The following MOSPD2 variants were observed in gnomAD, a reference collection of about 807,000 sequenced individuals.
The protein encoded by MOSPD2 is motile sperm domain containing 2, also known as motile sperm domain-containing protein 2.
A neutral mutation model predicts 41.7 loss-of-function variants in MOSPD2; 5 were observed. That is an observed-to-expected ratio of 0.12 (90% CI 0.06 to 0.25). The LOEUF (loss-of-function observed/expected upper bound fraction) is 0.25, where lower values mean the gene tolerates loss of function less well. Ranked by LOEUF, MOSPD2 falls within the 10% of genes least tolerant of loss-of-function variation. The pLI, the probability that MOSPD2 is intolerant of heterozygous loss-of-function variation, is 1.00. For synonymous variants in MOSPD2, 115 were observed against 126.9 expected (o/e 0.91, Z 0.63); for missense variants, 282 against 375.2 (o/e 0.75, Z 2.05).
intron 2 of MOSPD2, among the ~76,000 whole-genome samples, chrX:14,889,303 A>G (rs750800679): frequency 6.5e-4 from 73 of 111,811 alleles, no homozygotes; most frequent in African/African-American, 2.2e-3. Flanking sequence ...TGGTTTTCTG[A>G]AATTTCCAAT....
At chrX:14,882,647 T>C (rs2092533594) in intron 2 of MOSPD2, among the ~76,000 whole-genome samples, 1 of 111,948 alleles carries the variant, frequency 8.9e-6, no homozygotes, top group Non-Finnish European at 1.9e-5. Context: ...CCAATTTTTG[T>C]CCTTATTACA....
intron 11 of MOSPD2, among the ~76,000 whole-genome samples, 187 bp downstream of exon 11, chrX:14,914,786 CCT>C (rs2092597554): frequency 9.0e-6 from 1 of 111,377 alleles, no homozygotes; most frequent in African/African-American, 3.3e-5. Context: ...AAAAATTTTC[CCT>C]GAGGTCTGTA....
chrX:14,887,531 A>G (rs1485919871), intron 2 of MOSPD2, among the ~76,000 whole-genome samples: 2 of 111,316 alleles, frequency 1.8e-5, no homozygotes, highest in Non-Finnish European at 3.8e-5. Flanking sequence ...ATTCTACTCT[A>G]TATCCTGAAT....
At chrX:14,891,534 TTTC>T (rs1212713849) in intron 2 of MOSPD2, among the ~76,000 whole-genome samples, 3 of 110,037 alleles carry the variant, frequency 2.7e-5, no homozygotes, top group Admixed American at 9.7e-5. Flanking sequence ...GTTGTTGTTT[TTTC>T]TTTTTTTGTC....
At chrX:14,874,673 C>T (rs751782839) in intron 2 of MOSPD2, among the ~76,000 whole-genome samples, 2 of 112,110 alleles carry the variant, frequency 1.8e-5, no homozygotes, top group African/African-American at 6.5e-5. Flanking sequence ...TAAGCTTCTA[C>T]ATCTTGACTA....
At chrX:14,908,566 G>T (rs2147499415) in intron 7 of MOSPD2, among the ~76,000 whole-genome samples, 1 of 111,564 alleles carries the variant, frequency 9.0e-6, no homozygotes, top group African/African-American at 3.2e-5. Context: ...AATCTAAATA[G>T]TTGGGATCAT....
chrX:14,914,249 A>T (rs933720719), intron 10 of MOSPD2, among the ~76,000 whole-genome samples: 7 of 111,315 alleles, frequency 6.3e-5, no homozygotes, highest in East Asian at 2.8e-4. Context: ...AGCCTTCATA[A>T]CTCTCTCTTC....
At chrX:14,877,125 T>C (rs1344114321) in intron 2 of MOSPD2, among the ~76,000 whole-genome samples, 1 of 111,604 alleles carries the variant, frequency 9.0e-6, no homozygotes, top group East Asian at 2.8e-4. Flanking sequence ...GAATATAGTG[T>C]AGAGAGCCTT....
At chrX:14,894,300 A>T (rs6628593) in intron 3 of MOSPD2, among the ~76,000 whole-genome samples, 6,004 of 81,998 alleles carry the variant, frequency 0.073, 435 homozygotes, top group African/African-American at 0.24. Context: ...CCTGGCTAAT[A>T]TTTATTTATT....
At chrX:14,880,918 C>T (rs148636126) in intron 2 of MOSPD2, among the ~76,000 whole-genome samples, 4 of 111,766 alleles carry the variant, frequency 3.6e-5, no homozygotes, top group African/African-American at 9.7e-5. Context: ...TTTTCTTGTG[C>T]AATATTGACA....
intron 2 of MOSPD2, among the ~76,000 whole-genome samples, chrX:14,883,401 C>G (rs1242536136): frequency 9.0e-6 from 1 of 111,561 alleles, no homozygotes; most frequent in Non-Finnish European, 1.9e-5. Flanking sequence ...GATAAGATCT[C>G]TAGGAGATTG....
intron 6 of MOSPD2, among the ~76,000 whole-genome samples, chrX:14,901,991 C>CAT (rs776489290): frequency 3.7e-5 from 4 of 109,270 alleles, no homozygotes; most frequent in Admixed American, 9.9e-5. Flanking sequence ...TACACACACA[C>CAT]ATATATATAT....
In MOSPD2 at chrX:14,912,090, T is replaced by A. The variant is rs752518519; in HGVS notation, c.880-159T>A. Among the ~76,000 whole-genome samples the A allele has an allele frequency of 2.7e-5, 3 of 112,040 alleles. No individual in the cohort carries two copies. The Admixed American group carries it at 2.8e-4, about 11-fold the overall frequency. ...ATCAGGAACTTGATAGATGGATAAA[T>A]ACAATGTTATAATTTAGAAAAATTT... is the stretch of plus-strand genomic sequence containing the variant. On this transcript the variant is annotated intron_variant, in intron 9 of 14. Coordinates refer to ENST00000380492, the MANE Select transcript of MOSPD2 (RefSeq NM_152581.4).
Position 14,914,592 on chromosome X carries a change from C to T in MOSPD2, c.1082C>T (p.Ala361Val). 9.5e-7 allele frequency: 1 copy of T among 1,053,110 alleles called. No individual in the cohort carries two copies. 86.8% of individuals were successfully genotyped at this position (1,053,110 alleles called of 1,213,427 possible). The part of the protein sequence containing the change: ...VLTNVTKNIV[A>V]FKVRTTAPEK... Reference sequence around the variant, plus strand: ...ACAAATGTAACTAAAAATATAGTGGCATTTAAGGTAAATATCTTAAAGATA... The same window carrying T: ...ACAAATGTAACTAAAAATATAGTGGTATTTAAGGTAAATATCTTAAAGATA... The change falls in exon 11 of 15, where the codon GCA (alanine) becomes GTA (valine). Residue 361 changes from alanine (A) to valine (V), a missense_variant. Ala to Val is a moderately conservative substitution (Grantham distance 64). Around this residue, in one of 3 missense-constraint regions of MOSPD2, gnomAD observed 1 missense variants for 16.4 expected, o/e 0.06. Transcript: ENST00000380492.
At chrX:14,880,508 C>A (rs1255311599) in intron 2 of MOSPD2, among the ~76,000 whole-genome samples, 7 of 111,789 alleles carry the variant, frequency 6.3e-5, no homozygotes, top group Non-Finnish European at 1.3e-4. Flanking sequence ...TTTTATAACA[C>A]TGTTGAATAG....
At chrX:14,880,131 T>C (rs967882060) in intron 2 of MOSPD2, among the ~76,000 whole-genome samples, 1 of 110,799 alleles carries the variant, frequency 9.0e-6, no homozygotes, top group African/African-American at 3.3e-5. Context: ...TGAGTCTTTT[T>C]ATCCAAGAAC....
chrX:14,898,694 G>A (rs745940001), intron 5 of MOSPD2, among the ~76,000 whole-genome samples: 179 of 111,583 alleles, frequency 1.6e-3, no homozygotes, highest in Non-Finnish European at 3.0e-3. Context: ...GAATCATGAA[G>A]AATAAATGTT....
At chrX:14,907,818 T>C (rs775446793) in intron 7 of MOSPD2, among the ~76,000 whole-genome samples, 13 of 111,566 alleles carry the variant, frequency 1.2e-4, no homozygotes, top group Non-Finnish European at 2.1e-4. Flanking sequence ...CTAACAACCA[T>C]TGACTTGTAT....
chrX:14,916,963 G>C (rs2092601273), intron 13 of MOSPD2, among the ~76,000 whole-genome samples: 1 of 112,384 alleles, frequency 8.9e-6, no homozygotes, highest in African/African-American at 3.2e-5. Flanking sequence ...TTGTAGTTTT[G>C]CTTTTTTTAA....
Sources: allele counts gnomAD v4.1 joint callset (sites outside exome capture counted in the v4.1 genomes callset), GRCh38; gene constraint gnomAD v4.1.1; regional missense constraint gnomAD v4.1.1; transcripts MANE v1.5; gene names NCBI Gene and HGNC (gene_info 2026-07-23, HGNC 2026-07-21).